PACRG: variants seen among roughly 807,000 people sequenced by gnomAD.
The protein encoded by PACRG is parkin coregulated.
A neutral mutation model predicts 29.7 loss-of-function variants in PACRG; 29 were observed. The ratio of observed to expected loss-of-function variants is 0.98; its 90% CI spans 0.73 to 1.33. PACRG has a LOEUF of 1.33. PACRG is among the 40% of genes most tolerant of loss of function. The pLI, the probability that PACRG is intolerant of heterozygous loss-of-function variation, is 0.00. For synonymous variants in PACRG, 116 were observed against 118.7 expected, an observed-to-expected ratio of 0.98 and a Z score of 0.15; for missense variants, 279 against 316.2, an observed-to-expected ratio of 0.88 and a Z score of 0.89.
intron 2 of PACRG, among the ~76,000 whole-genome samples, chr6:163,004,226 A>G (rs1191284063): frequency 1.3e-5 from 2 of 150,236 alleles, no homozygotes; most frequent in African/African-American, 4.9e-5. Context: ...ATTAGCTATA[A>G]TAAATATATA....
In PACRG at chr6:162,959,337, T is replaced by C. The variant is rs113585351; in HGVS notation, c.292-102813T>C. On this transcript the variant is annotated intron_variant, in intron 2 of 4. Coordinates refer to ENST00000366888, the MANE Select transcript of PACRG (RefSeq NM_001080379.2). ...ACTTGTATAACTAGAGGGGTCAGGGTGAGCTTGCTGAGAAGGCGACATTTA... is the reference window on the plus strand; with the variant it reads ...ACTTGTATAACTAGAGGGGTCAGGGCGAGCTTGCTGAGAAGGCGACATTTA... 3.7e-3 allele frequency among the ~76,000 whole-genome samples: 555 copies of C among 151,722 alleles called. 2 individuals are homozygous for C. Among genetic ancestry groups the C allele is most frequent in the African/African-American group, 0.012 (508 of 41,346 alleles).
chr6:162,974,822 T>G (rs1031253871), intron 2 of PACRG, among the ~76,000 whole-genome samples: 1 of 152,212 alleles, frequency 6.6e-6, no homozygotes, highest in Non-Finnish European at 1.5e-5. Flanking sequence ...CTTGCCTTTC[T>G]TATAACTCGT....
intron 4 of PACRG, among the ~76,000 whole-genome samples, chr6:163,185,656 C>A (rs184776375): frequency 3.6e-4 from 55 of 152,296 alleles, no homozygotes; most frequent in Non-Finnish European, 6.2e-4. Flanking sequence ...GCGGCATCAT[C>A]AATTTAATCC....
chr6:163,278,712 TAC>T (rs1431935069), intron 4 of PACRG, among the ~76,000 whole-genome samples: 1 of 152,228 alleles, frequency 6.6e-6, no homozygotes, highest in Non-Finnish European at 1.5e-5. Context: ...TTTATACCAG[TAC>T]CATGCTGTTT....
chr6:163,173,924 A>G lies in PACRG; in HGVS notation c.613+84516A>G, dbSNP rs528702662. ...GGAGAGGTAAATACTAAAGGACGTC[A>G]TTGTTCCCTGGAGCACGTATCAGCT... On this transcript the variant is annotated intron_variant, in intron 4 of 4. Transcript: ENST00000366888. 1.1e-4 allele frequency among the ~76,000 whole-genome samples: 16 copies of G among 152,300 alleles called. No individual in the cohort carries two copies. The East Asian group carries it at 2.7e-3, about 26-fold the overall frequency.
intron 1 of PACRG, among the ~76,000 whole-genome samples, chr6:162,773,493 C>CTTTTTTTTTTTTTTTTT (rs1562582605): frequency 6.0e-5 from 5 of 82,726 alleles, no homozygotes; most frequent in African/African-American, 2.4e-4. Context: ...TACAGCTTGT[C>CTTTTTTTTTTTTTTTTT]ATTTTTTTTT....
intron 1 of PACRG, among the ~76,000 whole-genome samples, chr6:162,747,340 A>G (rs1440966300): frequency 2.8e-5 from 2 of 72,408 alleles, no homozygotes; most frequent in African/African-American, 1.4e-4. Flanking sequence ...ATATATATAT[A>G]TATATATATA....
intron 1 of PACRG, among the ~76,000 whole-genome samples, chr6:162,761,424 A>G (rs1782348306): frequency 6.6e-6 from 1 of 152,156 alleles, no homozygotes; most frequent in Non-Finnish European, 1.5e-5. Flanking sequence ...TTTGCTTGTC[A>G]GTATGGAGTA....
At chr6:163,103,921 A>G (rs1585218221) in intron 4 of PACRG, among the ~76,000 whole-genome samples, 1 of 152,348 alleles carries the variant, frequency 6.6e-6, no homozygotes, top group South Asian at 2.1e-4. Context: ...GCCAGCACCC[A>G]AGAAATAAGC....
At chr6:162,866,236 T>C in intron 2 of PACRG, among the ~76,000 whole-genome samples, 1 of 152,186 alleles carries the variant, frequency 6.6e-6, no homozygotes, top group Non-Finnish European at 1.5e-5. Context: ...ACAGAGGTGA[T>C]ACTTTTGGTG....
chr6:162,810,763 G>A (rs1330369383), intron 1 of PACRG, among the ~76,000 whole-genome samples: 1 of 152,088 alleles, frequency 6.6e-6, no homozygotes, highest in Non-Finnish European at 1.5e-5. Context: ...GAGAAAACAG[G>A]CTGGAAAAAG....
intron 4 of PACRG, among the ~76,000 whole-genome samples, chr6:163,098,316 G>A (rs1480951492): frequency 2.0e-5 from 3 of 152,130 alleles, no homozygotes; most frequent in East Asian, 1.9e-4. Flanking sequence ...CTCAGCCTAC[G>A]AGACACCCTA....
At chr6:163,201,547 A>G (rs1212603036) in intron 4 of PACRG, among the ~76,000 whole-genome samples, 2 of 152,216 alleles carry the variant, frequency 1.3e-5, no homozygotes, top group African/African-American at 4.8e-5. Context: ...AAGACCACCC[A>G]GCTCCCTAAC....
intron 4 of PACRG, among the ~76,000 whole-genome samples, chr6:163,210,224 A>G (rs1781079766): frequency 6.6e-6 from 1 of 152,236 alleles, no homozygotes; most frequent in Admixed American, 6.5e-5. Context: ...TCTGCTCTTT[A>G]ATGGACTTTA....
intron 4 of PACRG, among the ~76,000 whole-genome samples, chr6:163,172,160 G>A (rs1779118793): frequency 6.6e-6 from 1 of 152,204 alleles, no homozygotes; most frequent in Non-Finnish European, 1.5e-5. Context: ...ACAAGGCCAA[G>A]TGCCTCTTGG....
At chr6:163,183,351 C>T (rs1220474246) in intron 4 of PACRG, 1 of 152,146 alleles carries the variant, frequency 6.6e-6, no homozygotes, top group Non-Finnish European at 1.5e-5. Context: ...GGAACTTTAT[C>T]CTGAAGACAA....
intron 1 of PACRG, among the ~76,000 whole-genome samples, chr6:162,779,525 C>T (rs1022847906): frequency 6.6e-6 from 1 of 152,122 alleles, no homozygotes; most frequent in African/African-American, 2.4e-5. Context: ...GCTCTTTACT[C>T]CTCTGAGGCT....
intron 4 of PACRG, among the ~76,000 whole-genome samples, chr6:163,274,474 T>G (rs1049564967): frequency 2.0e-5 from 3 of 152,222 alleles, no homozygotes; most frequent in Non-Finnish European, 2.9e-5. Flanking sequence ...CTATTGTGAA[T>G]AGTGCCTCAA....
chr6:163,090,506 A>G (rs1814000511), intron 4 of PACRG, among the ~76,000 whole-genome samples: 1 of 152,216 alleles, frequency 6.6e-6, no homozygotes, highest in Non-Finnish European at 1.5e-5. Context: ...TTCAGGCAAG[A>G]TGGTTAGTCT....
Sources: gnomAD v4.1 joint callset for allele counts (sites outside exome capture counted in the v4.1 genomes callset) on GRCh38, gnomAD v4.1.1 for gene constraint, MANE v1.5 for transcripts, NCBI Gene and HGNC (gene_info 2026-07-23, HGNC 2026-07-21) for gene names.